Variants in CNTNAP4 observed in about 807,000 individuals in gnomAD.
CNTNAP4 encodes contactin-associated protein-like 4.
A neutral mutation model predicts 148.4 loss-of-function variants in CNTNAP4; 98 were observed. The observed-to-expected ratio is 0.66, with a 90% CI of 0.56 to 0.78. The LOEUF (loss-of-function observed/expected upper bound fraction) is 0.78, where lower values mean the gene tolerates loss of function less well. Ranked by LOEUF, CNTNAP4 falls within the 30% of genes least tolerant of loss-of-function variation. The probability of loss-of-function intolerance (pLI) is 0.00; values close to 1 mark genes in which losing one functional copy is unlikely to be tolerated. For synonymous variants in CNTNAP4, 730 were observed against 565.1 expected (o/e 1.29, Z -4.14); for missense variants, 1,935 against 1,565.6 (o/e 1.24, Z -3.98).
chr16:76,284,352 T>A (rs1958800584), intron 1 of CNTNAP4, among the ~76,000 whole-genome samples: 3 of 151,860 alleles, frequency 2.0e-5, no homozygotes, highest in South Asian at 2.1e-4. Context: ...AGGTCTTGAG[T>A]TGTAGCATCA....
At chr16:76,282,815 G>T (rs1958736327) in intron 1 of CNTNAP4, among the ~76,000 whole-genome samples, 1 of 151,302 alleles carries the variant, frequency 6.6e-6, no homozygotes, top group East Asian at 1.9e-4. Context: ...ACAGTTTTTT[G>T]AAAAATTAAA....
intron 18 of CNTNAP4, 64 bp from the exon 19 acceptor site, chr16:76,538,052 G>A (rs1467246648): frequency 7.1e-6 from 5 of 701,530 alleles, no homozygotes; most frequent in Non-Finnish European, 8.3e-6. Flanking sequence ...TATAATTATT[G>A]TAACTAAAAC....
chr16:76,371,125 T>C (rs866270011), intron 3 of CNTNAP4, among the ~76,000 whole-genome samples: 2 of 152,136 alleles, frequency 1.3e-5, no homozygotes, highest in East Asian at 1.9e-4. Context: ...TCTCAAAATA[T>C]GTGTTAGAGT....
chr16:76,543,178 C>T (rs1006618383), intron 21 of CNTNAP4, among the ~76,000 whole-genome samples: 1 of 151,640 alleles, frequency 6.6e-6, no homozygotes, highest in African/African-American at 2.4e-5. Context: ...ACTGACTCTC[C>T]TAAAAGTATA....
intron 21 of CNTNAP4, among the ~76,000 whole-genome samples, chr16:76,541,383 G>C (rs2084448550): frequency 1.3e-5 from 2 of 152,092 alleles, no homozygotes; most frequent in Non-Finnish European, 2.9e-5. Context: ...TTTAACATCA[G>C]AATATGTTTG....
In CNTNAP4 at chr16:76,520,607, A is replaced by G. The variant is rs143068307; in HGVS notation, c.2366-533A>G. Among the ~76,000 whole-genome samples the G allele has an allele frequency of 3.3e-5, 5 of 152,314 alleles. No individual in the cohort carries two copies. In the East Asian group the frequency reaches 9.6e-4, roughly 29 times the overall value. ...AGAGTAAGCTGCATGTTGGTTTGTAATTAGACAAGACTATTTAGAATGCCG... is the reference window on the plus strand; with the variant it reads ...AGAGTAAGCTGCATGTTGGTTTGTAGTTAGACAAGACTATTTAGAATGCCG... On this transcript the variant is annotated intron_variant, in intron 15 of 23. Coordinates refer to ENST00000611870, the MANE Select transcript of CNTNAP4 (RefSeq NM_033401.5).
chr16:76,514,207 A>C (rs781659325), intron 15 of CNTNAP4, among the ~76,000 whole-genome samples: 4 of 152,202 alleles, frequency 2.6e-5, no homozygotes, highest in Non-Finnish European at 5.9e-5. Flanking sequence ...TGACCTTCGT[A>C]GGAATGACTG....
At chr16:76,365,580 G>A (rs2014011831) in intron 3 of CNTNAP4, among the ~76,000 whole-genome samples, 2 of 151,848 alleles carry the variant, frequency 1.3e-5, no homozygotes, top group African/African-American at 4.8e-5. Context: ...GTGAAATCCT[G>A]TCTCTACTAA....
chr16:76,542,923 A>C (rs1407240737), intron 21 of CNTNAP4, among the ~76,000 whole-genome samples: 1 of 152,218 alleles, frequency 6.6e-6, no homozygotes, highest in East Asian at 1.9e-4. Flanking sequence ...AATATATTCA[A>C]CATATTATAA....
chr16:76,518,931 A>G (rs1470393733), intron 15 of CNTNAP4, among the ~76,000 whole-genome samples: 1 of 152,116 alleles, frequency 6.6e-6, no homozygotes, highest in East Asian at 1.9e-4. Flanking sequence ...CACCTAATCC[A>G]TAGAATGCTG....
intron 20 of CNTNAP4, 64 bp from the exon 21 acceptor site, chr16:76,540,639 T>C: frequency 8.3e-7 from 1 of 1,199,602 alleles, no homozygotes; most frequent in Non-Finnish European, 1.2e-6. Context: ...CCTCTGTTGC[T>C]TCCTGTCTTC....
At chr16:76,362,751 G>A (rs546553709) in intron 3 of CNTNAP4, among the ~76,000 whole-genome samples, 6 of 152,282 alleles carry the variant, frequency 3.9e-5, no homozygotes, top group African/African-American at 1.4e-4. Flanking sequence ...ACCTAATTGA[G>A]GGTGGAGGGT....
chr16:76,373,079 G>A (rs923534288), intron 3 of CNTNAP4, among the ~76,000 whole-genome samples: 1 of 151,910 alleles, frequency 6.6e-6, no homozygotes, highest in African/African-American at 2.4e-5. Context: ...GACTATGAGG[G>A]TGTACATCTG....
intron 1 of CNTNAP4, among the ~76,000 whole-genome samples, chr16:76,309,686 T>C (rs527936906): frequency 3.9e-5 from 6 of 152,206 alleles, no homozygotes; most frequent in Non-Finnish European, 7.3e-5. Context: ...ACTTGAATTG[T>C]ATCTCCCAGA....
intron 3 of CNTNAP4, among the ~76,000 whole-genome samples, chr16:76,359,341 T>C (rs994053502): frequency 6.6e-6 from 1 of 152,106 alleles, no homozygotes; most frequent in African/African-American, 2.4e-5. Context: ...AAGTATGTGA[T>C]AGAAAAACAA....
Position 76,535,678 on chromosome 16 carries a change from C to A in CNTNAP4, c.2889C>A (p.Ser963Arg). 2 of 1,613,996 alleles carry A rather than the reference C, an allele frequency of 1.2e-6. No individual in the cohort carries two copies. The highest frequency in any genetic ancestry group is 1.7e-6 in the Non-Finnish European group (2 of 1,179,922). ...AGCCAGGTTGTAGGGGACATTGCAG[C>A]AGCTATGGGAAGTTATGCCGCAATG... is the stretch of plus-strand genomic sequence containing the variant. Reference protein sequence around the residue: ...EVQPGCRGHCSSYGKLCRNGG... With the variant: ...EVQPGCRGHCRSYGKLCRNGG... Residue 963 changes from serine (S) to arginine (R), a missense_variant, in exon 18 of 24, where the codon AGC becomes AGA. By Grantham distance (110) the Ser-to-Arg change is moderately radical. Coordinates refer to ENST00000611870, the MANE Select transcript of CNTNAP4 (RefSeq NM_033401.5).
intron 15 of CNTNAP4, among the ~76,000 whole-genome samples, chr16:76,514,366 TG>T (rs1223356177): frequency 6.6e-6 from 1 of 152,256 alleles, no homozygotes; most frequent in African/African-American, 2.4e-5. Flanking sequence ...TATGTGTGTA[TG>T]TCTTTGAATA....
chr16:76,290,208 A>G (rs1567592074), intron 1 of CNTNAP4, among the ~76,000 whole-genome samples: 2 of 152,136 alleles, frequency 1.3e-5, no homozygotes, highest in Non-Finnish European at 2.9e-5. Context: ...CTACTGAGTA[A>G]GGAAGAACAA....
chr16:76,503,284 T>G (rs1358774582), intron 15 of CNTNAP4, among the ~76,000 whole-genome samples: 1 of 152,116 alleles, frequency 6.6e-6, no homozygotes, highest in African/African-American at 2.4e-5. Context: ...AGGAGAGGAA[T>G]TCAAGGCATT....
Sources: allele counts gnomAD v4.1 joint callset (sites outside exome capture counted in the v4.1 genomes callset), GRCh38; gene constraint gnomAD v4.1.1; transcripts MANE v1.5; gene names NCBI Gene and HGNC (gene_info 2026-07-23, HGNC 2026-07-21).